THSD4: variants seen among roughly 807,000 people sequenced by gnomAD.
The protein encoded by THSD4 is thrombospondin type 1 domain containing 4, also known as thrombospondin type-1 domain-containing protein 4.
THSD4 carries 69 observed loss-of-function variants against 119.0 expected under a neutral mutation model. That is an observed-to-expected ratio of 0.58 (90% CI 0.48 to 0.71). The LOEUF is 0.71. Among genes scored for constraint, THSD4 ranks in the 30% least tolerant of loss-of-function variants. The probability of loss-of-function intolerance (pLI) is 0.00; values close to 1 mark genes in which losing one functional copy is unlikely to be tolerated. For synonymous variants in THSD4, 524 were observed against 540.4 expected (o/e 0.97, Z 0.42); for missense variants, 1,393 against 1,391.1 (o/e 1.00, Z -0.02).
chr15:71,524,623 G>A (rs1191925911), intron 7 of THSD4, among the ~76,000 whole-genome samples: 1 of 105,806 alleles, frequency 9.5e-6, no homozygotes, highest in Non-Finnish European at 1.8e-5. Context: ...TTTGAGACGA[G>A]TCTCTATCTG....
intron 1 of THSD4, among the ~76,000 whole-genome samples, chr15:71,098,213 T>TTG (rs1464119760): frequency 7.8e-5 from 10 of 128,950 alleles, no homozygotes; most frequent in Non-Finnish European, 9.7e-5. Context: ...TTTTTTTTTT[T>TTG]GGGGGGAGAG....
intron 7 of THSD4, among the ~76,000 whole-genome samples, chr15:71,653,354 G>C (rs187358283): frequency 4.6e-4 from 70 of 152,312 alleles, no homozygotes; most frequent in African/African-American, 1.7e-3. Context: ...GCTTTCTGGG[G>C]AATCTGTCAT....
At chr15:71,224,943 C>T (rs1328532678) in intron 4 of THSD4, among the ~76,000 whole-genome samples, 1 of 152,120 alleles carries the variant, frequency 6.6e-6, no homozygotes, top group African/African-American at 2.4e-5. Context: ...GTAACATTCA[C>T]AGGTTCTGGG....
intron 7 of THSD4, among the ~76,000 whole-genome samples, chr15:71,594,185 A>G (rs1184563172): frequency 6.7e-6 from 1 of 150,092 alleles, no homozygotes; most frequent in East Asian, 1.9e-4. Context: ...CTTTCACTCC[A>G]GTCTGTTCCC....
intron 1 of THSD4, among the ~76,000 whole-genome samples, chr15:71,118,980 AC>A (rs1226355075): frequency 6.6e-6 from 1 of 151,900 alleles, no homozygotes; most frequent in Admixed American, 6.6e-5. Flanking sequence ...TCCTGTCAAA[AC>A]TTACTTCTGT....
intron 3 of THSD4, among the ~76,000 whole-genome samples, chr15:71,172,369 T>C (rs2043376024): frequency 1.3e-5 from 2 of 151,960 alleles, no homozygotes; most frequent in Admixed American, 6.6e-5. Context: ...AAATGTATGA[T>C]GTTTATGGTT....
chr15:71,768,726 G>A (rs1345147344), intron 16 of THSD4, among the ~76,000 whole-genome samples: 1 of 150,520 alleles, frequency 6.6e-6, no homozygotes, highest in Non-Finnish European at 1.5e-5. Flanking sequence ...CACCATGCAC[G>A]GCTAATTTTT....
At chr15:71,517,647 A>G (rs2048380064) in intron 7 of THSD4, among the ~76,000 whole-genome samples, 1 of 152,252 alleles carries the variant, frequency 6.6e-6, no homozygotes, top group Non-Finnish European at 1.5e-5. Flanking sequence ...GTTAATGCAC[A>G]TAAAACGACT....
At chr15:71,241,130 C>T (rs1426065600) in intron 4 of THSD4, among the ~76,000 whole-genome samples, 1 of 152,158 alleles carries the variant, frequency 6.6e-6, no homozygotes, top group Non-Finnish European at 1.5e-5. Context: ...TTTTAATGTG[C>T]TTATTTTAAT....
At chr15:71,259,730 T>C (rs564998014) in intron 6 of THSD4, among the ~76,000 whole-genome samples, 1 of 152,288 alleles carries the variant, frequency 6.6e-6, no homozygotes, top group East Asian at 1.9e-4. Context: ...TCCCAGGTGA[T>C]TCTTATGGGT....
intron 7 of THSD4, among the ~76,000 whole-genome samples, chr15:71,519,396 C>G (rs910301306): frequency 2.6e-5 from 4 of 152,192 alleles, no homozygotes; most frequent in African/African-American, 9.7e-5. Context: ...GTCTCTCACT[C>G]TGTCACCCAA....
intron 7 of THSD4, among the ~76,000 whole-genome samples, chr15:71,542,033 T>A (rs1373110123): frequency 6.6e-6 from 1 of 152,118 alleles, no homozygotes; most frequent in Non-Finnish European, 1.5e-5. Context: ...ATCAAAAGAT[T>A]TTAAGGAGCA....
chr15:71,264,805 C>T (rs2044445151), intron 6 of THSD4, among the ~76,000 whole-genome samples: 1 of 152,136 alleles, frequency 6.6e-6, no homozygotes, highest in East Asian at 1.9e-4. Flanking sequence ...GGCACCAAGG[C>T]ATTATCATCC....
Position 71,243,026 on chromosome 15 carries a change from C to T in THSD4, c.842C>T (p.Ser281Phe). Residue 281 changes from serine (S) to phenylalanine (F), a missense_variant, in exon 5 of 18, where the codon TCT becomes TTT. Transcript: ENST00000261862. ...ACCCATGGGGCAACTCAGAGCTTCT[C>T]TCAGCCTGCCCGATCTACAGCAATC... ...VGTHGATQSF[S>F]QPARSTAISC... The T allele has an allele frequency of 6.2e-7, 1 of 1,614,244 alleles. No individual in the cohort carries two copies. Among genetic ancestry groups the T allele is most frequent in the Non-Finnish European group, 8.5e-7 (1 of 1,180,044 alleles).
At chr15:71,745,728 T>C (rs2053323837) in intron 12 of THSD4, among the ~76,000 whole-genome samples, 1 of 152,180 alleles carries the variant, frequency 6.6e-6, no homozygotes, top group Non-Finnish European at 1.5e-5. Flanking sequence ...CTCAGCAAAC[T>C]CCGCCTCCTG....
intron 7 of THSD4, among the ~76,000 whole-genome samples, chr15:71,479,728 T>G (rs1236796099): frequency 6.6e-6 from 1 of 152,100 alleles, no homozygotes; most frequent in Non-Finnish European, 1.5e-5. Flanking sequence ...AGGAGAAGGT[T>G]TGAAAAAAAA....
chr15:71,601,518 C>T (rs1434074640), intron 7 of THSD4, among the ~76,000 whole-genome samples: 4 of 152,142 alleles, frequency 2.6e-5, no homozygotes, highest in East Asian at 1.9e-4. Flanking sequence ...TCCTGTTGGC[C>T]GCTTTATAAA....
intron 4 of THSD4, among the ~76,000 whole-genome samples, chr15:71,225,230 G>A (rs1299523518): frequency 6.6e-6 from 1 of 152,148 alleles, no homozygotes; most frequent in East Asian, 1.9e-4. Flanking sequence ...CAATAATGAA[G>A]TTAAAAATAG....
intron 7 of THSD4, among the ~76,000 whole-genome samples, chr15:71,421,368 C>A (rs1057494395): frequency 6.6e-6 from 1 of 151,982 alleles, no homozygotes; most frequent in African/African-American, 2.4e-5. Context: ...TTGATAAAAT[C>A]CCTTAGCTTT....
Sources: allele counts gnomAD v4.1 joint callset (sites outside exome capture counted in the v4.1 genomes callset), GRCh38; gene constraint gnomAD v4.1.1; transcripts MANE v1.5; gene names NCBI Gene and HGNC (gene_info 2026-07-23, HGNC 2026-07-21).